The following AXDND1 variants were observed in gnomAD, a reference collection of about 807,000 sequenced individuals.
AXDND1 encodes axonemal dynein light chain domain-containing protein 1.
A neutral mutation model predicts 137.5 loss-of-function variants in AXDND1; 110 were observed. The ratio of observed to expected loss-of-function variants is 0.80; its 90% CI spans 0.69 to 0.94. AXDND1 has a LOEUF of 0.94. Ranked by LOEUF, AXDND1 falls within the 40% of genes least tolerant of loss-of-function variation. AXDND1 has a pLI of 0.00. For missense variants in AXDND1, 1,191 were observed against 1,169.8 expected, an observed-to-expected ratio of 1.02 and a Z score of -0.26; for synonymous variants, 414 against 399.7, an observed-to-expected ratio of 1.04 and a Z score of -0.43.
At chr1:179,525,669 A>G (rs540713489) in intron 22 of AXDND1, among the ~76,000 whole-genome samples, 9 of 151,928 alleles carry the variant, frequency 5.9e-5, no homozygotes, top group Non-Finnish European at 1.0e-4. Context: ...GCTAATTTTT[A>G]AAATTTTTTT....
chr1:179,450,515 A>G (rs2125393589), intron 16 of AXDND1: 1 of 151,534 alleles, frequency 6.6e-6, no homozygotes, highest in African/African-American at 2.4e-5. Flanking sequence ...TTCTATTCCT[A>G]TTGAATTCTT....
At chr1:179,503,093 G>GT (rs567067024) in intron 20 of AXDND1, among the ~76,000 whole-genome samples, 6,735 of 77,892 alleles carry the variant, frequency 0.086, 223 homozygotes, top group Non-Finnish European at 0.14. Context: ...AAAACTCCGT[G>GT]TAAAAAAAAA....
At chr1:179,523,398 C>T (rs1670253489) in intron 21 of AXDND1, among the ~76,000 whole-genome samples, 1 of 152,100 alleles carries the variant, frequency 6.6e-6, no homozygotes, top group African/African-American at 2.4e-5. Flanking sequence ...TTTATTGAGA[C>T]ACAATTCATG....
chr1:179,524,895 G>A (rs1468706255), intron 21 of AXDND1, among the ~76,000 whole-genome samples: 1 of 152,156 alleles, frequency 6.6e-6, no homozygotes, highest in African/African-American at 2.4e-5. Context: ...TGGCTTGACA[G>A]TCTAGCCCTT....
Position 179,456,155 on chromosome 1 carries a change from A to G in AXDND1, c.1798+10951A>G, listed in dbSNP as rs912910348. ...CCACTGTGCTTGGCTGAGTTCACAA[A>G]TCTGTTGTAACCTGTAGCTTCCCTG... On this transcript the variant is annotated intron_variant, in intron 16 of 25. Coordinates refer to ENST00000367618, the MANE Select transcript of AXDND1 (RefSeq NM_144696.6). 3 of 594,580 alleles carry G rather than the reference A, an allele frequency of 5.0e-6. No individual in the cohort carries two copies. The African/African-American group carries it at 5.5e-5, about 11-fold the overall frequency. 36.8% of individuals were successfully genotyped at this position (594,580 alleles called of 1,614,324 possible). A position where few individuals can be genotyped will look rare whatever the true frequency, so the allele number is the denominator to read the frequency against.
At chr1:179,411,043 G>T in intron 11 of AXDND1, 103 bp from the exon 12 acceptor site, 1 of 887,762 alleles carries the variant, frequency 1.1e-6, no homozygotes, top group Admixed American at 3.4e-5. Context: ...GAGTTTTAAA[G>T]GAACACATTA....
intron 23 of AXDND1, chr1:179,533,210 A>G (rs1347698514): frequency 6.6e-6 from 1 of 152,340 alleles, no homozygotes; most frequent in Middle Eastern, 3.4e-3. Flanking sequence ...AAATATGCTT[A>G]TAGTTTTTGT....
intron 23 of AXDND1, among the ~76,000 whole-genome samples, chr1:179,532,263 G>A (rs553995659): frequency 1.3e-4 from 20 of 152,296 alleles, no homozygotes; most frequent in South Asian, 6.2e-4. Context: ...ACAGAATGAG[G>A]AGAGAGTCAG....
chr1:179,525,301 A>T, intron 21 of AXDND1, 33 bp from the exon 22 acceptor site: 2 of 1,575,008 alleles, frequency 1.3e-6, no homozygotes, highest in Non-Finnish European at 1.7e-6. Flanking sequence ...ATTTATATAC[A>T]CCCTTTAATC....
At chr1:179,525,507 ATAT>A in intron 22 of AXDND1, 60 bp downstream of exon 22, 1 of 1,481,482 alleles carries the variant, frequency 6.7e-7, no homozygotes, top group Non-Finnish European at 9.0e-7. Flanking sequence ...ATACATACAT[ATAT>A]TTTAGAGACA....
At chr1:179,384,364 A>G (rs1648866326) in intron 8 of AXDND1, among the ~76,000 whole-genome samples, 1 of 152,186 alleles carries the variant, frequency 6.6e-6, no homozygotes, top group South Asian at 2.1e-4. Context: ...AAACAAGGAC[A>G]TTCTCTTATA....
chr1:179,526,943 A>T, intron 22 of AXDND1, among the ~76,000 whole-genome samples: 1 of 152,216 alleles, frequency 6.6e-6, no homozygotes, highest in African/African-American at 2.4e-5. Flanking sequence ...AATGGGTTTC[A>T]CTTTAAAGAT....
At chr1:179,456,911 G>T in intron 16 of AXDND1, 2 of 1,129,732 alleles carry the variant, frequency 1.8e-6, no homozygotes, top group Non-Finnish European at 2.7e-6. Context: ...CTCTTTTCTT[G>T]CCACTGCCTC....
intron 15 of AXDND1, among the ~76,000 whole-genome samples, chr1:179,435,536 C>A (rs963966814): frequency 2.0e-5 from 3 of 152,060 alleles, no homozygotes; most frequent in African/African-American, 7.2e-5. Flanking sequence ...TGAGAAATAA[C>A]ACCACACATC....
intron 21 of AXDND1, among the ~76,000 whole-genome samples, chr1:179,517,415 C>G (rs35401719): frequency 0.2 from 30,050 of 152,212 alleles, 3,135 homozygotes; most frequent in Non-Finnish European, 0.23. Context: ...TTGTTCTTCC[C>G]CCTGTGGAGT....
intron 4 of AXDND1, among the ~76,000 whole-genome samples, chr1:179,373,413 G>C (rs1348637718): frequency 6.6e-6 from 1 of 152,130 alleles, no homozygotes; most frequent in Admixed American, 6.6e-5. Context: ...AAGGTAATTT[G>C]TAGATTCAAT....
In AXDND1 at chr1:179,483,019, C is replaced by T; in HGVS notation, c.1998-109C>T. The T allele has an allele frequency of 3.1e-6, 2 of 647,580 alleles. 1 individual carries two copies. Among genetic ancestry groups the T allele is most frequent in the South Asian group, 5.4e-5 (2 of 37,064 alleles). 40.1% of individuals were successfully genotyped at this position (647,580 alleles called of 1,614,324 possible). A position where few individuals can be genotyped will look rare whatever the true frequency, so the allele number is the denominator to read the frequency against. On this transcript the variant is annotated intron_variant, in intron 17 of 25. Transcript: ENST00000367618. Reference sequence around the variant, plus strand: ...TCCTCAGTTCTCAAGCAGTTGTCAACATCTAAGTTTACAATACCCAGCCAA... The same window carrying T: ...TCCTCAGTTCTCAAGCAGTTGTCAATATCTAAGTTTACAATACCCAGCCAA...
chr1:179,418,728 C>T lies in AXDND1; in HGVS notation c.1230+7462C>T, dbSNP rs1376497089. The stretch of plus-strand genomic sequence containing the variant: ...GGCCGGGCGGGGGGCTGACCCCCAC[C>T]TCCCTCCCGGACGGGGTGGCTGCCG... On this transcript the variant is annotated intron_variant, in intron 12 of 25. Coordinates refer to ENST00000367618, the MANE Select transcript of AXDND1 (RefSeq NM_144696.6). 2.0e-5 allele frequency among the ~76,000 whole-genome samples: 3 copies of T among 150,366 alleles called. No individual in the cohort carries two copies. In the East Asian group the frequency reaches 5.9e-4, roughly 29 times the overall value.
intron 16 of AXDND1, among the ~76,000 whole-genome samples, chr1:179,467,190 CCTT>C (rs1430137405): frequency 7.0e-6 from 1 of 142,662 alleles, no homozygotes; most frequent in East Asian, 2.2e-4. Context: ...TCTTAAGAAT[CCTT>C]CTCAGCAAGT....
Sources: allele counts gnomAD v4.1 joint callset (sites outside exome capture counted in the v4.1 genomes callset), GRCh38; gene constraint gnomAD v4.1.1; transcripts MANE v1.5; gene names NCBI Gene and HGNC (gene_info 2026-07-23, HGNC 2026-07-21).